Variants in XKR5 observed in about 807,000 individuals in gnomAD.
The protein encoded by XKR5 is XK related 5.
XKR5 carries 46 observed loss-of-function variants against 40.8 expected under a neutral mutation model. The observed-to-expected ratio is 1.13, with a 90% CI of 0.89 to 1.44. The LOEUF is 1.44. XKR5 is among the 40% of genes most tolerant of loss of function. XKR5 has a pLI of 0.00. For missense variants in XKR5, 1,169 were observed against 844.7 expected, an observed-to-expected ratio of 1.38 and a Z score of -4.76; for synonymous variants, 466 against 356.1, an observed-to-expected ratio of 1.31 and a Z score of -3.48.
At chr8:6,813,861 T>C (rs1803844521) in intron 6 of XKR5, among the ~76,000 whole-genome samples, 1 of 152,200 alleles carries the variant, frequency 6.6e-6, no homozygotes, top group South Asian at 2.1e-4. Flanking sequence ...CTCAGGAGTG[T>C]GACAGGTTTT....
intron 2 of XKR5, 28 bp from the exon 3 acceptor site, chr8:6,825,377 C>T (rs554123617): frequency 2.8e-5 from 41 of 1,490,752 alleles, no homozygotes; most frequent in South Asian, 2.2e-4. Flanking sequence ...GCACGTGACA[C>T]GGAGCCAGGC....
At chr8:6,822,496 T>C (rs1386515051) in intron 4 of XKR5, among the ~76,000 whole-genome samples, 2 of 143,002 alleles carry the variant, frequency 1.4e-5, no homozygotes, top group Non-Finnish European at 3.2e-5. Context: ...GATTTCAAGC[T>C]GATTTTTTTT....
At position 6,822,062 on chromosome 8, in the gene XKR5, G is replaced by A. The variant is rs180820279; in HGVS notation, c.638-24C>T. The A allele has an allele frequency of 2.7e-4, 424 of 1,587,610 alleles. 5 individuals are homozygous for A. Among genetic ancestry groups the A allele is most frequent in the African/African-American group, 1.5e-3 (113 of 74,622 alleles). Reference sequence around the variant, plus strand: ...ACCTGCAGAGAAGCCGGGTGCAGACGTCAGGGTCCATGCAAGGAGATGGGG... The same window carrying A: ...ACCTGCAGAGAAGCCGGGTGCAGACATCAGGGTCCATGCAAGGAGATGGGG... On this transcript the variant is annotated intron_variant, in intron 4 of 6. Transcript: ENST00000618742.
chr8:6,814,265 T>C (rs1016208821), intron 6 of XKR5, among the ~76,000 whole-genome samples: 1 of 152,146 alleles, frequency 6.6e-6, no homozygotes, highest in African/African-American at 2.4e-5. Context: ...GGGTCGACGA[T>C]GAAACAAGCT....
chr8:6,832,028 A>G (rs1379671154), intron 2 of XKR5, among the ~76,000 whole-genome samples: 1 of 147,498 alleles, frequency 6.8e-6, no homozygotes, highest in East Asian at 2.0e-4. Context: ...AAAAAAAAAA[A>G]AAAAAAACAA....
chr8:6,829,821 T>A (rs1265064638), intron 2 of XKR5, among the ~76,000 whole-genome samples: 1 of 136,932 alleles, frequency 7.3e-6, no homozygotes, highest in Admixed American at 7.7e-5. Context: ...CAGGCCAAAT[T>A]CTTGCTTTTT....
chr8:6,827,088 C>T (rs894117754), intron 2 of XKR5, among the ~76,000 whole-genome samples: 5 of 152,118 alleles, frequency 3.3e-5, no homozygotes, highest in African/African-American at 9.7e-5. Context: ...CCTGAAGATC[C>T]ACATAGAACC....
At chr8:6,832,585 T>C in intron 2 of XKR5, 132 bp downstream of exon 2, 1 of 1,157,098 alleles carries the variant, frequency 8.6e-7, no homozygotes, top group East Asian at 2.6e-5. Context: ...AGGGGTTTGC[T>C]GTGGCCGCTT....
rs1213708307 is a variant in XKR5 at position 6,832,575 on chromosome 8, AG to A, written c.242+141del. The A allele has an allele frequency of 2.0e-5, 20 of 986,996 alleles. No individual in the cohort carries two copies. In the African/African-American group the frequency reaches 2.9e-4, roughly 14 times the overall value. 61.1% of individuals were successfully genotyped at this position (986,996 alleles called of 1,614,324 possible). A position where few individuals can be genotyped will look rare whatever the true frequency, so the allele number is the denominator to read the frequency against. On this transcript the variant is annotated intron_variant, in intron 2 of 6. Transcript: ENST00000618742. ...GACCCGGGCATGCCAATATCAGAGCAGGGGTTTGCTGTGGCCGCTTTGAACC... is the reference window on the plus strand; with the variant it reads ...GACCCGGGCATGCCAATATCAGAGCAGGGTTTGCTGTGGCCGCTTTGAACC...
intron 3 of XKR5, among the ~76,000 whole-genome samples, chr8:6,824,280 G>A (rs930072372): frequency 6.6e-6 from 1 of 151,674 alleles, no homozygotes; most frequent in Non-Finnish European, 1.5e-5. Context: ...AAAGAGGAAG[G>A]GAGAGATGAA....
At chr8:6,813,196 A>G (rs1005229988) in intron 6 of XKR5, among the ~76,000 whole-genome samples, 2 of 152,212 alleles carry the variant, frequency 1.3e-5, no homozygotes, top group African/African-American at 2.4e-5. Flanking sequence ...ACCCAGATCA[A>G]GCAGCTGGTT....
At chr8:6,827,900 T>TACAAA (rs1334129121) in intron 2 of XKR5, among the ~76,000 whole-genome samples, 1 of 151,804 alleles carries the variant, frequency 6.6e-6, no homozygotes, top group Non-Finnish European at 1.5e-5. Flanking sequence ...ACTCCATGTC[T>TACAAA]ACAAAACAAA....
chr8:6,830,603 A>C (rs1804721575), intron 2 of XKR5, among the ~76,000 whole-genome samples: 1 of 152,194 alleles, frequency 6.6e-6, no homozygotes, highest in Non-Finnish European at 1.5e-5. Flanking sequence ...TCATCTCGAT[A>C]CCTGGCCTTT....
Position 6,835,467 on chromosome 8 carries a change from C to T in XKR5, c.27G>A (p.Ser9=). MHARLLGL[S]ALLQAAEQSA... is the part of the protein sequence containing the mutation. ...TCTGCTCGGCCGCCTGCAGCAGGGC[C>T]GAGAGCCCCAGGAGCCTCGCGTGCA... The change falls in exon 1 of 7, where the codon TCG becomes TCA. Residue 9 remains serine, a synonymous_variant. Transcript: ENST00000618742. 1.3e-6 allele frequency: 2 copies of T among 1,502,128 alleles called. No individual in the cohort carries two copies. The allele number at this position is 1,502,128 out of a possible 1,614,324, so 93.0% of individuals were successfully genotyped here.
chr8:6,817,816 C>T (rs987625087), intron 5 of XKR5, among the ~76,000 whole-genome samples: 4 of 152,190 alleles, frequency 2.6e-5, no homozygotes, highest in African/African-American at 9.7e-5. Context: ...AACTCCAAGC[C>T]TGGTGGGTGC....
intron 3 of XKR5, among the ~76,000 whole-genome samples, chr8:6,824,078 G>C (rs534374407): frequency 1.3e-5 from 2 of 152,258 alleles, no homozygotes; most frequent in South Asian, 4.1e-4. Flanking sequence ...ATATAACAAA[G>C]CTGATTCTAC....
rs114379241 is a variant in XKR5 at position 6,828,814 on chromosome 8, G to A, written c.243-3465C>T. Among the ~76,000 whole-genome samples, 1,183 of 152,298 alleles carry A rather than the reference G, an allele frequency of 7.8e-3. 12 individuals carry two copies. Among genetic ancestry groups the A allele is most frequent in the African/African-American group, 0.027 (1,127 of 41,552 alleles). Reference sequence around the variant, plus strand: ...CCCTTCCAACAGGTCTCCAATGCCTGAGGATAAAATCCAAACTCCTTAATC... The same window carrying A: ...CCCTTCCAACAGGTCTCCAATGCCTAAGGATAAAATCCAAACTCCTTAATC... On this transcript the variant is annotated intron_variant, in intron 2 of 6. Coordinates refer to ENST00000618742, the MANE Select transcript of XKR5 (RefSeq NM_207411.5).
In XKR5 at chr8:6,812,171, G is replaced by A. The variant is rs1261779742; in HGVS notation, c.1088C>T (p.Ser363Leu). Reference sequence around the variant, plus strand: ...TGGTTCATAACTTGCCCCTTGGCATGAGCCTGAGCTCTCGGTTCTCTTCCC... The same window carrying A: ...TGGTTCATAACTTGCCCCTTGGCATAAGCCTGAGCTCTCGGTTCTCTTCCC... ...LAGKRTESSGSCQGASYEPTI... is the reference protein window; with the variant it reads ...LAGKRTESSGLCQGASYEPTI... The change falls in exon 7 of 7, where the codon TCA (serine) becomes TTA (leucine). Residue 363 changes from serine (S) to leucine (L), a missense_variant. Transcript: ENST00000618742. 2 of 1,551,724 alleles carry A rather than the reference G, an allele frequency of 1.3e-6. No individual in the cohort carries two copies.
chr8:6,828,089 G>T (rs906768020), intron 2 of XKR5, among the ~76,000 whole-genome samples: 1 of 152,080 alleles, frequency 6.6e-6, no homozygotes, highest in Non-Finnish European at 1.5e-5. Flanking sequence ...GAAAAGGGGG[G>T]AAGTGAAATG....
Sources: allele counts gnomAD v4.1 joint callset (sites outside exome capture counted in the v4.1 genomes callset), GRCh38; gene constraint gnomAD v4.1.1; transcripts MANE v1.5; gene names NCBI Gene and HGNC (gene_info 2026-07-23, HGNC 2026-07-21).